The following SH2B3 variants were observed in gnomAD, a reference collection of about 807,000 sequenced individuals.
SH2B3 encodes SH2B adapter protein 3.
In SH2B3, 43 loss-of-function variants were observed where a neutral mutation model predicts 51.9. The observed-to-expected ratio is 0.83, with a 90% CI of 0.65 to 1.07. The LOEUF (loss-of-function observed/expected upper bound fraction) is 1.07. Among genes scored for constraint, SH2B3 ranks in the 50% least tolerant of loss-of-function variants. The pLI, the probability that SH2B3 is intolerant of heterozygous loss-of-function variation, is 0.00. For synonymous variants in SH2B3, 396 were observed against 376.0 expected, an observed-to-expected ratio of 1.05 and a Z score of -0.62; for missense variants, 952 against 834.3, an observed-to-expected ratio of 1.14 and a Z score of -1.74.
Position 111,418,297 on chromosome 12 carries a change from A to AGCATCCGCAGCACGC in SH2B3, c.155_169dup (p.His52_Ala56dup). On this transcript the variant is annotated inframe_insertion, in exon 2 of 8. Coordinates refer to ENST00000341259, the MANE Select transcript of SH2B3 (RefSeq NM_005475.3). This position sits in a 1 kb window ranked among gnomAD's most constrained non-coding sequence, Gnocchi z 6.7. Reference sequence around the variant, plus strand: ...CGCCAGTACTGGCTGTTCGCCCGGGAGCATCCGCAGCACGCGCCGCTGCGC... The same window carrying AGCATCCGCAGCACGC: ...CGCCAGTACTGGCTGTTCGCCCGGGAGCATCCGCAGCACGCGCATCCGCAGCACGCGCCGCTGCGC... The AGCATCCGCAGCACGC allele has an allele frequency of 6.5e-7, 1 of 1,533,644 alleles. No homozygotes were observed. The highest frequency in any genetic ancestry group is 8.7e-7 in the Non-Finnish European group (1 of 1,146,496).
chr12:111,447,669 C>T lies in SH2B3; in HGVS notation c.1250C>T (p.Ser417Leu), dbSNP rs528369802. Residue 417 changes from serine (S) to leucine (L), a missense_variant, in exon 7 of 8, where the codon TCG becomes TTG. By Grantham distance (145) the Ser-to-Leu change is moderately radical (BLOSUM62 -2). Transcript: ENST00000341259. ...FQGIAKHLRL[S>L]LTERGQCRVQ... is the part of the protein sequence containing the mutation. Reference sequence around the variant, plus strand: ...CTCCTCCCACAGCACCTGCGCCTGTCGCTGACAGAGCGGGGCCAGTGCCGT... The same window carrying T: ...CTCCTCCCACAGCACCTGCGCCTGTTGCTGACAGAGCGGGGCCAGTGCCGT... The T allele has an allele frequency of 1.2e-5, 19 of 1,612,476 alleles. No homozygotes were observed. The highest frequency in any genetic ancestry group is 3.3e-4 in the Middle Eastern group (2 of 6,060).
rs975610933 is a variant in SH2B3, at chr12:111,411,214, A to C, written c.-28+4937A>C. On this transcript the variant is annotated intron_variant, in intron 1 of 7. Transcript: ENST00000341259. ...GACCCTGTCTCTACCAAAAAAAAAA[A>C]AAAAAAACTGGGTATGGTGGCACAT... Among the ~76,000 whole-genome samples the C allele has an allele frequency of 1.3e-4, 20 of 151,862 alleles. No individual in the cohort carries two copies. In the South Asian group the frequency reaches 2.7e-3, roughly 21 times the overall value.
intron 3 of SH2B3, 36 bp from the exon 4 acceptor site, chr12:111,446,906 C>CA (rs763189492): frequency 6.7e-5 from 108 of 1,604,424 alleles, no homozygotes; most frequent in Non-Finnish European, 8.6e-5. Context: ...CATACACATA[C>CA]AGCAGACCCA....
At chr12:111,424,791 G>T (rs1212254042) in intron 2 of SH2B3, among the ~76,000 whole-genome samples, 1 of 152,210 alleles carries the variant, frequency 6.6e-6, no homozygotes, top group Non-Finnish European at 1.5e-5. Context: ...TGCTTGCCAG[G>T]TAGTCAACTG....
chr12:111,417,672 G>A (rs1259084452), intron 1 of SH2B3, among the ~76,000 whole-genome samples: 1 of 151,850 alleles, frequency 6.6e-6, no homozygotes, highest in Non-Finnish European at 1.5e-5. Context: ...GCCCAGGCTG[G>A]TCTCAAACTC....
chr12:111,450,550 G>A lies in SH2B3; in HGVS notation c.*2248G>A, dbSNP rs1874484548. The A allele has an allele frequency of 6.6e-6, 1 of 152,168 alleles. No individual in the cohort carries two copies. Among genetic ancestry groups the A allele is most frequent in the Non-Finnish European group, 1.5e-5 (1 of 68,040 alleles). The allele number at this position is 152,168 out of a possible 1,614,324, so 9.4% of individuals were successfully genotyped here. A position where few individuals can be genotyped will look rare whatever the true frequency, so the allele number is the denominator to read the frequency against. ...CTGGGATATGACGTCTTCATGCCAG[G>A]GGCACTCATTTCTTAGCAGCCTCTC... On this transcript the variant is annotated 3_prime_UTR_variant, in exon 8 of 8. Transcript: ENST00000341259.
At chr12:111,408,881 G>T (rs1245900358) in intron 1 of SH2B3, among the ~76,000 whole-genome samples, 2 of 152,352 alleles carry the variant, frequency 1.3e-5, no homozygotes, top group African/African-American at 4.8e-5. Context: ...GGCTTTAACA[G>T]CTGTGCACTT....
chr12:111,411,829 T>G (rs1464144643), intron 1 of SH2B3, among the ~76,000 whole-genome samples: 1 of 152,152 alleles, frequency 6.6e-6, no homozygotes, highest in Non-Finnish European at 1.5e-5. Flanking sequence ...TGCACCAGGC[T>G]GAGTTATTCC....
At chr12:111,441,526 AC>A (rs1261016211) in intron 2 of SH2B3, among the ~76,000 whole-genome samples, 1 of 152,030 alleles carries the variant, frequency 6.6e-6, no homozygotes, top group African/African-American at 2.4e-5. Flanking sequence ...TGGGCAGGAT[AC>A]TGGATGGCTT....
At position 111,447,413 on chromosome 12, in the gene SH2B3, A is replaced by C. The variant is rs750954656; in HGVS notation, c.1105A>C (p.Ile369Leu). Residue 369 changes from isoleucine to leucine, a missense_variant, in exon 6 of 8, where the codon ATC (isoleucine) becomes CTC (leucine). Ile to Leu is a conservative substitution (Grantham distance 5). Transcript: ENST00000341259. ...LSCYPWFHGPISRVKAAQLVQ... is the reference protein window; with the variant it reads ...LSCYPWFHGPLSRVKAAQLVQ... ...CTGCTACCCCTGGTTCCACGGCCCC[A>C]TCTCCAGAGTGAAAGCAGCTCAGCT... 1.9e-6 allele frequency: 3 copies of C among 1,613,922 alleles called. No homozygotes were observed. Among genetic ancestry groups the C allele is most frequent in the Non-Finnish European group, 2.5e-6 (3 of 1,179,980 alleles).
rs758711466 is a variant in SH2B3, at chr12:111,447,793, C to T, written c.1374C>T (p.Leu458=). Residue 458 remains leucine, a synonymous_variant, in exon 7 of 8, where the codon CTC becomes CTT. Transcript: ENST00000341259. ...GCGGCGCCGCCTGTGATGTCCGGCTCTCCAGCTACGTGGTAGTCGTCTCCC... is the reference window on the plus strand; with the variant it reads ...GCGGCGCCGCCTGTGATGTCCGGCTTTCCAGCTACGTGGTAGTCGTCTCCC... ...LECGAACDVR[L]SSYVVVVSQP... 9 of 1,614,042 alleles carry T rather than the reference C, an allele frequency of 5.6e-6. No homozygotes were observed. Among genetic ancestry groups the T allele is most frequent in the South Asian group, 1.1e-5 (1 of 91,080 alleles).
At position 111,434,851 on chromosome 12, in the gene SH2B3, G is replaced by A. The variant is rs1872728513; in HGVS notation, c.733-11902G>A. Reference sequence around the variant, plus strand: ...GACATGGTAAACGTTCAGTAAACAGGAGCTAAAATGATAGTAATGAGAGTC... The same window carrying A: ...GACATGGTAAACGTTCAGTAAACAGAAGCTAAAATGATAGTAATGAGAGTC... On this transcript the variant is annotated intron_variant, in intron 2 of 7. Coordinates refer to ENST00000341259, the MANE Select transcript of SH2B3 (RefSeq NM_005475.3). The A allele has an allele frequency of 2.6e-6, 4 of 1,533,464 alleles. No individual in the cohort carries two copies. The South Asian group carries it at 3.6e-5, about 14-fold the overall frequency. 95.0% of individuals were successfully genotyped at this position (1,533,464 alleles called of 1,614,324 possible). A position where few individuals can be genotyped will look rare whatever the true frequency, so the allele number is the denominator to read the frequency against.
chr12:111,441,896 C>T (rs1873441150), intron 2 of SH2B3, among the ~76,000 whole-genome samples: 1 of 151,996 alleles, frequency 6.6e-6, no homozygotes, highest in Non-Finnish European at 1.5e-5. Flanking sequence ...TTCTGGGTGT[C>T]TCTAACCTGA....
rs1870518793 is a variant in SH2B3, at chr12:111,409,554, C to T, written c.-28+3277C>T. On this transcript the variant is annotated intron_variant, in intron 1 of 7. Coordinates refer to ENST00000341259, the MANE Select transcript of SH2B3 (RefSeq NM_005475.3). This position sits in a 1 kb window ranked among gnomAD's most constrained non-coding sequence, Gnocchi z 4.0. Reference sequence around the variant, plus strand: ...TCATTCCCTGCAAGGCCCCATTCCTCACTACCCACCCTTCCCAAGGAAACT... The same window carrying T: ...TCATTCCCTGCAAGGCCCCATTCCTTACTACCCACCCTTCCCAAGGAAACT... Among the ~76,000 whole-genome samples the T allele has an allele frequency of 6.6e-6, 1 of 152,204 alleles. No individual in the cohort carries two copies. The highest frequency in any genetic ancestry group is 2.4e-5 in the African/African-American group (1 of 41,454).
rs1593026616 is a variant in SH2B3, at chr12:111,410,133, C to T, written c.-28+3856C>T. Among the ~76,000 whole-genome samples, 1 of 152,200 alleles carries T rather than the reference C, an allele frequency of 6.6e-6. No homozygotes were observed. The highest frequency in any genetic ancestry group is 1.5e-5 in the Non-Finnish European group (1 of 68,028). On this transcript the variant is annotated intron_variant, in intron 1 of 7. Coordinates refer to ENST00000341259, the MANE Select transcript of SH2B3 (RefSeq NM_005475.3). The surrounding 1 kb of genome is among the most constrained non-coding windows in gnomAD (Gnocchi z 4.9). ...GGCCTGGGAGGAAGGAAGTCTATGC[C>T]CTCCTCACAGGGGCTGACTCACAGG...
chr12:111,418,320 C>G lies in SH2B3; in HGVS notation c.175C>G (p.Arg59Gly). 2.0e-6 allele frequency: 3 copies of G among 1,526,760 alleles called. No individual in the cohort carries two copies. The highest frequency in any genetic ancestry group is 2.0e-5 in the Admixed American group (1 of 50,530). 94.6% of individuals were successfully genotyped at this position (1,526,760 alleles called of 1,614,324 possible). ...AREHPQHAPL[R>G]AELVSLQFTD... The stretch of plus-strand genomic sequence containing the variant: ...GGAGCATCCGCAGCACGCGCCGCTG[C>G]GCGCCGAGCTGGTGTCGCTGCAGTT... The change falls in exon 2 of 8, where the codon CGC becomes GGC. Residue 59 changes from arginine to glycine, a missense_variant. Arg to Gly is a moderately radical substitution (Grantham distance 125). Coordinates refer to ENST00000341259, the MANE Select transcript of SH2B3 (RefSeq NM_005475.3). The surrounding 1 kb of genome is among the most constrained non-coding windows in gnomAD (Gnocchi z 6.7).
intron 2 of SH2B3, chr12:111,434,789 T>C (rs1318244322): frequency 6.7e-7 from 1 of 1,482,992 alleles, no homozygotes; most frequent in African/African-American, 1.4e-5. Context: ...TCCTGTTGTT[T>C]TGTGATGTCA....
chr12:111,433,273 C>T (rs1052682307), intron 2 of SH2B3, among the ~76,000 whole-genome samples: 1 of 152,230 alleles, frequency 6.6e-6, no homozygotes, highest in Admixed American at 6.5e-5. Context: ...ATCACTTGAA[C>T]CCAGGAGGTG....
intron 2 of SH2B3, among the ~76,000 whole-genome samples, chr12:111,441,564 T>C (rs964239884): frequency 1.3e-5 from 2 of 152,092 alleles, no homozygotes; most frequent in Non-Finnish European, 2.9e-5. Flanking sequence ...GTCTTGATGC[T>C]GCCCACCCCA....
Sources: allele counts gnomAD v4.1 joint callset (sites outside exome capture counted in the v4.1 genomes callset), GRCh38; gene constraint gnomAD v4.1.1; non-coding constraint Gnocchi (gnomAD v3.1); transcripts MANE v1.5; gene names NCBI Gene and HGNC (gene_info 2026-07-23, HGNC 2026-07-21).